Variants in SPAM1 observed in about 807,000 individuals in gnomAD.
SPAM1 encodes hyaluronidase PH-20.
A neutral mutation model predicts 29.6 loss-of-function variants in SPAM1; 22 were observed. The ratio of observed to expected loss-of-function variants is 0.74; its 90% confidence interval spans 0.53 to 1.06. The LOEUF is 1.06. SPAM1 is among the 50% of genes least tolerant of loss of function. The pLI is 0.00. For missense variants in SPAM1, 534 were observed against 604.0 expected (o/e 0.88, Z 1.21); for synonymous variants, 194 against 204.6 (o/e 0.95, Z 0.44).
chr7:123,942,068 G>C (rs976935593), intron 1 of SPAM1, among the ~76,000 whole-genome samples: 2 of 152,142 alleles, frequency 1.3e-5, no homozygotes, highest in African/African-American at 4.8e-5. Flanking sequence ...GTATGAAAGT[G>C]GTTTATGTAT....
At chr7:123,935,678 A>T (rs1179931683) in intron 1 of SPAM1, among the ~76,000 whole-genome samples, 1 of 152,206 alleles carries the variant, frequency 6.6e-6, no homozygotes, top group African/African-American at 2.4e-5. Context: ...TTAGGATTTA[A>T]AACCCAAGTG....
chr7:123,959,692 G>A lies in SPAM1; in HGVS notation c.1253G>A (p.Arg418His), dbSNP rs567439133. Residue 418 changes from arginine to histidine, a missense_variant, in exon 5 of 5, where the codon CGT becomes CAT. Arg to His is a conservative substitution (Grantham distance 29, BLOSUM62 0). Coordinates refer to ENST00000682466, the MANE Select transcript of SPAM1 (RefSeq NM_153189.3). ...QLEKGGKFTVRGKPTLEDLEQ... is the reference protein window; with the variant it reads ...QLEKGGKFTVHGKPTLEDLEQ... ...GAGAAAGGTGGAAAGTTCACAGTAC[G>A]TGGAAAACCGACACTTGAAGACCTG... The A allele has an allele frequency of 4.1e-5, 66 of 1,613,284 alleles. No homozygotes were observed. The highest frequency in any genetic ancestry group is 4.8e-5 in the Non-Finnish European group (57 of 1,179,548).
intron 2 of SPAM1, among the ~76,000 whole-genome samples, chr7:123,950,560 G>T (rs1341978348): frequency 6.6e-6 from 1 of 152,052 alleles, no homozygotes; most frequent in East Asian, 1.9e-4. Context: ...ATGACCTCCA[G>T]CTCTATCCAT....
chr7:123,926,159 T>C (rs1343991063), intron 1 of SPAM1: 1 of 152,260 alleles, frequency 6.6e-6, no homozygotes, highest in Non-Finnish European at 1.5e-5. Context: ...GTGTTCACCT[T>C]ATCTTATGTA....
intron 1 of SPAM1, among the ~76,000 whole-genome samples, chr7:123,937,407 C>T (rs1033013791): frequency 3.3e-5 from 5 of 151,984 alleles, no homozygotes; most frequent in African/African-American, 7.3e-5. Context: ...CGAGACCATC[C>T]TGGATAACAT....
intron 5 of SPAM1, among the ~76,000 whole-genome samples, chr7:123,966,305 T>C (rs1485938105): frequency 6.6e-6 from 1 of 151,992 alleles, no homozygotes; most frequent in Admixed American, 6.6e-5. Flanking sequence ...AAAAGGAACA[T>C]GTTTACACTG....
chr7:123,958,705 G>A (rs747408919), intron 4 of SPAM1, among the ~76,000 whole-genome samples: 29 of 151,796 alleles, frequency 1.9e-4, no homozygotes, highest in Non-Finnish European at 4.3e-4. Flanking sequence ...CGTGGCATGT[G>A]CCTATAGTTC....
intron 6 of SPAM1, among the ~76,000 whole-genome samples, chr7:123,970,543 C>T (rs1792484046): frequency 6.6e-6 from 1 of 151,278 alleles, no homozygotes; most frequent in African/African-American, 2.4e-5. Context: ...TTGCTCAAGA[C>T]CAGGAGTTTA....
In SPAM1 at chr7:123,954,988, A is replaced by G. The variant is rs1428709253; in HGVS notation, c.955-9A>G. On this transcript the variant is annotated splice_polypyrimidine_tract_variant and intron_variant, in intron 3 of 4. Transcript: ENST00000682466. ...TTTATCTGCTAACTCTTTCTGTCAC[A>G]TTTTCCAGGATGAACTTGTGTATAC... 21 of 1,603,930 alleles carry G rather than the reference A, an allele frequency of 1.3e-5. No individual in the cohort carries two copies. The highest frequency in any genetic ancestry group is 1.6e-5 in the Non-Finnish European group (19 of 1,171,562).
At chr7:123,925,722 T>G (rs1584943176) in intron 1 of SPAM1, 3 of 104,912 alleles carry the variant, frequency 2.9e-5, no homozygotes, top group Non-Finnish European at 1.9e-5. Flanking sequence ...GGTGACAGAG[T>G]GAGACTCTGT....
In SPAM1 at chr7:123,971,375, G is replaced by A. The variant is rs534866563; in HGVS notation, c.*417G>A. ...GGGGAAGACAAAAGAAATCCATATC[G>A]TGTAAATAAAAATAAATTTTGGTTT... is the stretch of plus-strand genomic sequence containing the variant. On this transcript the variant is annotated 3_prime_UTR_variant, in exon 7 of 7. Coordinates refer to the SPAM1 transcript ENST00000340011. 3.3e-5 allele frequency: 5 copies of A among 152,092 alleles called. No individual in the cohort carries two copies. In the East Asian group the frequency reaches 5.8e-4, roughly 18 times the overall value. The allele number at this position is 152,092 out of a possible 1,614,324, so 9.4% of individuals were successfully genotyped here. A position where few individuals can be genotyped will look rare whatever the true frequency, so the allele number is the denominator to read the frequency against.
chr7:123,970,125 G>A, intron 5 of SPAM1: 2 of 1,481,648 alleles, frequency 1.3e-6, no homozygotes, highest in Non-Finnish European at 1.8e-6. Flanking sequence ...GTTTGCTAGT[G>A]ATGCTATAAC....
chr7:123,960,684 C>G (rs915120306), downstream of SPAM1, among the ~76,000 whole-genome samples: 1 of 151,826 alleles, frequency 6.6e-6, no homozygotes, highest in Non-Finnish European at 1.5e-5. Context: ...TCCCCATACC[C>G]CCCTAGAAAC....
chr7:123,967,380 T>C (rs1482929439), intron 5 of SPAM1, among the ~76,000 whole-genome samples: 1 of 152,096 alleles, frequency 6.6e-6, no homozygotes, highest in African/African-American at 2.4e-5. Flanking sequence ...AAGATAATTT[T>C]AAAAATGTAC....
Position 123,954,990 on chromosome 7 carries a change from T to A in SPAM1, c.955-7T>A. The A allele has an allele frequency of 6.2e-7, 1 of 1,604,548 alleles. No homozygotes were observed. The highest frequency in any genetic ancestry group is 2.2e-5 in the East Asian group (1 of 44,742). Reference sequence around the variant, plus strand: ...TATCTGCTAACTCTTTCTGTCACATTTTCCAGGATGAACTTGTGTATACAT... The same window carrying A: ...TATCTGCTAACTCTTTCTGTCACATATTCCAGGATGAACTTGTGTATACAT... On this transcript the variant is annotated splice_region_variant and splice_polypyrimidine_tract_variant and intron_variant, in intron 3 of 4. Coordinates refer to ENST00000682466, the MANE Select transcript of SPAM1 (RefSeq NM_153189.3).
chr7:123,943,582 C>T (rs537409533), intron 1 of SPAM1, among the ~76,000 whole-genome samples: 1 of 152,166 alleles, frequency 6.6e-6, no homozygotes, highest in East Asian at 1.9e-4. Flanking sequence ...AACATTTTTT[C>T]ATATTTGACA....
downstream of SPAM1, among the ~76,000 whole-genome samples, chr7:123,960,266 G>C (rs1792341691): frequency 6.6e-6 from 1 of 151,938 alleles, no homozygotes; most frequent in Admixed American, 6.6e-5. Context: ...TGCCAGGATT[G>C]TTTTAACACT....
At chr7:123,927,558 G>T (rs887230378) in intron 1 of SPAM1, among the ~76,000 whole-genome samples, 2 of 152,148 alleles carry the variant, frequency 1.3e-5, no homozygotes, top group Non-Finnish European at 2.9e-5. Context: ...AGCATTTTGT[G>T]CTGTTTTTAG....
intron 1 of SPAM1, among the ~76,000 whole-genome samples, chr7:123,928,188 T>A (rs1807955195): frequency 6.6e-6 from 1 of 152,196 alleles, no homozygotes; most frequent in African/African-American, 2.4e-5. Context: ...TTGAGAGTAC[T>A]GCGCTACTTA....
Sources: allele counts gnomAD v4.1 joint callset (sites outside exome capture counted in the v4.1 genomes callset), GRCh38; gene constraint gnomAD v4.1.1; transcripts MANE v1.5; gene names NCBI Gene and HGNC (gene_info 2026-07-23, HGNC 2026-07-21).